The following SETD2 variants were observed in gnomAD, a reference collection of about 807,000 sequenced individuals.
SETD2 encodes the protein SET domain containing 2, histone lysine methyltransferase.
In SETD2, 31 loss-of-function variants were observed where a neutral mutation model predicts 242.1. That is an observed-to-expected ratio of 0.13 (90% CI 0.10 to 0.17). SETD2 has a LOEUF of 0.17. SETD2 is among the 10% of genes least tolerant of loss of function. The pLI, the probability that SETD2 is intolerant of heterozygous loss-of-function variation, is 1.00. For missense variants in SETD2, 2,481 were observed against 3,046.3 expected (o/e 0.81, Z 4.37); for synonymous variants, 1,006 against 1,066.5 (o/e 0.94, Z 1.11).
chr3:47,100,961 G>C (rs2042186211), intron 8 of SETD2, among the ~76,000 whole-genome samples: 1 of 119,806 alleles, frequency 8.3e-6, no homozygotes, highest in Non-Finnish European at 1.6e-5. Flanking sequence ...AGTGAGCCAA[G>C]ATCACGCCAC....
chr3:47,037,897 T>A (rs1445915154), intron 17 of SETD2, 120 bp from the exon 18 acceptor site: 2 of 714,036 alleles, frequency 2.8e-6, no homozygotes, highest in Non-Finnish European at 4.9e-6. Context: ...ATAAGTCAGC[T>A]CCATGAGTTA....
chr3:47,076,962 A>G (rs774600153), intron 12 of SETD2, among the ~76,000 whole-genome samples: 1 of 152,234 alleles, frequency 6.6e-6, no homozygotes, highest in Non-Finnish European at 1.5e-5. Context: ...TTTTTAAAAT[A>G]CTGTAGCATA....
chr3:47,023,591 T>C (rs151090686), intron 18 of SETD2, among the ~76,000 whole-genome samples: 222 of 152,196 alleles, frequency 1.5e-3, no homozygotes, highest in African/African-American at 4.6e-3. Flanking sequence ...GTTAAGATCA[T>C]TGAAAATAAT....
intron 9 of SETD2, among the ~76,000 whole-genome samples, chr3:47,094,793 T>A (rs994641685): frequency 2.0e-5 from 3 of 152,178 alleles, no homozygotes; most frequent in Admixed American, 1.3e-4. Flanking sequence ...TGTTCCGGAA[T>A]AACTTCAAAT....
At chr3:47,064,703 A>T (rs550282380) in intron 13 of SETD2, 1 of 303,878 alleles carries the variant, frequency 3.3e-6, no homozygotes, top group South Asian at 3.2e-5. Flanking sequence ...TCCAAATTTT[A>T]AAGGTTCTAT....
intron 3 of SETD2, among the ~76,000 whole-genome samples, chr3:47,118,066 C>T (rs532945865): frequency 1.3e-5 from 2 of 152,212 alleles, no homozygotes; most frequent in South Asian, 2.1e-4. Context: ...ATTCTAGTGC[C>T]AATTTTATGA....
At chr3:47,047,928 C>T (rs2039603154) in intron 15 of SETD2, among the ~76,000 whole-genome samples, 2 of 152,160 alleles carry the variant, frequency 1.3e-5, no homozygotes, top group African/African-American at 4.8e-5. Flanking sequence ...ACACATCATA[C>T]AGTGTACTTC....
At chr3:47,022,683 C>T (rs545207342) in intron 18 of SETD2, among the ~76,000 whole-genome samples, 1 of 152,226 alleles carries the variant, frequency 6.6e-6, no homozygotes, top group Middle Eastern at 3.4e-3. Context: ...TATGTGAGGC[C>T]GTGGACAGTT....
intron 5 of SETD2, among the ~76,000 whole-genome samples, chr3:47,110,774 A>C (rs1006290179): frequency 1.3e-5 from 2 of 152,172 alleles, no homozygotes; most frequent in Non-Finnish European, 2.9e-5. Flanking sequence ...GGAAACATTA[A>C]GTCCTAGTAT....
At chr3:47,134,917 C>T (rs2043559256) in intron 1 of SETD2, among the ~76,000 whole-genome samples, 1 of 152,160 alleles carries the variant, frequency 6.6e-6, no homozygotes, top group Non-Finnish European at 1.5e-5. Context: ...AACCACCACA[C>T]CCGGCCTGAA....
At chr3:47,034,710 C>T (rs1005453147) in intron 18 of SETD2, among the ~76,000 whole-genome samples, 1 of 152,096 alleles carries the variant, frequency 6.6e-6, no homozygotes, top group Non-Finnish European at 1.5e-5. Context: ...TAAATAAATC[C>T]CTCAGTTTAC....
At chr3:47,101,009 CAAAAAAAAA>C (rs1164475680) in intron 8 of SETD2, among the ~76,000 whole-genome samples, 13 of 23,098 alleles carry the variant, frequency 5.6e-4, no homozygotes, top group African/African-American at 1.5e-3. Flanking sequence ...GAGTCCATCT[CAAAAAAAAA>C]AAAAAAAAAA....
chr3:47,046,538 G>A lies in SETD2; in HGVS notation c.7047C>T (p.Ala2349=), dbSNP rs780412960. 8.1e-6 allele frequency: 13 copies of A among 1,613,080 alleles called. No homozygotes were observed. The highest frequency in any genetic ancestry group is 1.1e-5 in the South Asian group (1 of 90,974). Residue 2349 remains alanine, a synonymous_variant, in exon 16 of 21, where the codon GCC becomes GCT. Transcript: ENST00000409792. The part of the protein sequence containing the change: ...AHPQGVVVQP[A]AAVTTIVAPG... ...GTGCAACTATTGTAGTCACTGCTGC[G>A]GCTGGCTGTACCACCACTCCTTGTG... is the stretch of plus-strand genomic sequence containing the variant.
chr3:47,088,504 G>A (rs547982280), intron 9 of SETD2, among the ~76,000 whole-genome samples: 4 of 146,238 alleles, frequency 2.7e-5, no homozygotes, highest in Admixed American at 1.4e-4. Flanking sequence ...ACTTATATGA[G>A]TCAAGTATAA....
intron 9 of SETD2, 111 bp downstream of exon 9, chr3:47,097,844 A>T: frequency 9.8e-7 from 1 of 1,023,712 alleles, no homozygotes; most frequent in African/African-American, 1.6e-5. Flanking sequence ...AACTCATCTG[A>T]TCTTGGATTT....
intron 18 of SETD2, among the ~76,000 whole-genome samples, chr3:47,023,989 T>G (rs2107503249): frequency 6.6e-6 from 1 of 152,352 alleles, no homozygotes; most frequent in East Asian, 1.9e-4. Flanking sequence ...CATGAATCCG[T>G]ATGCCTATTT....
At chr3:47,070,616 T>G (rs933088740) in intron 12 of SETD2, among the ~76,000 whole-genome samples, 1 of 152,196 alleles carries the variant, frequency 6.6e-6, no homozygotes, top group Non-Finnish European at 1.5e-5. Context: ...CTTGAGTCTG[T>G]CTGGAATAAT....
intron 13 of SETD2, among the ~76,000 whole-genome samples, chr3:47,066,336 T>C (rs1381156527): frequency 1.3e-5 from 2 of 152,152 alleles, no homozygotes; most frequent in African/African-American, 4.8e-5. Context: ...ACATACAGAA[T>C]TTTACATGTA....
intron 2 of SETD2, among the ~76,000 whole-genome samples, chr3:47,125,041 G>A (rs969042357): frequency 5.3e-5 from 8 of 152,002 alleles, no homozygotes; most frequent in South Asian, 2.1e-4. Flanking sequence ...CATCTGGGTC[G>A]AGCACAGTGG....
Sources: allele counts gnomAD v4.1 joint callset (sites outside exome capture counted in the v4.1 genomes callset), GRCh38; gene constraint gnomAD v4.1.1; transcripts MANE v1.5; gene names NCBI Gene and HGNC (gene_info 2026-07-23, HGNC 2026-07-21).